Variants in DHRSX observed in about 807,000 individuals in gnomAD.
The protein encoded by DHRSX is dehydrogenase/reductase X-linked, also known as polyprenol dehydrogenase.
In DHRSX, 31 loss-of-function variants were observed where a neutral mutation model predicts 34.0. That is an observed-to-expected ratio of 0.91 (90% confidence interval 0.69 to 1.23). The LOEUF is 1.23. Ranked by LOEUF, DHRSX falls within the 50% of genes most tolerant of loss-of-function variation. DHRSX has a pLI of 0.00. For synonymous variants in DHRSX, 201 were observed against 183.8 expected (o/e 1.09, Z -0.76); for missense variants, 414 against 428.1 (o/e 0.97, Z 0.29).
At chrX:2,353,771 G>T (rs2124578024) in intron 3 of DHRSX, among the ~76,000 whole-genome samples, 1 of 151,736 alleles carries the variant, frequency 6.6e-6, no homozygotes, top group Non-Finnish European at 1.5e-5. Context: ...TTTTAGTAGA[G>T]ATGGGGTCTC....
rs1298802198 is a variant in DHRSX at position 2,391,006 on chromosome X, G to A, written c.286+17739C>T. 3.9e-5 allele frequency among the ~76,000 whole-genome samples: 6 copies of A among 152,148 alleles called. No homozygotes were observed. The South Asian group carries it at 8.3e-4, about 21-fold the overall frequency. ...AATACCCTTCCTTTTTTATGGCTGCGTAATATTCCACCGTTTGGATATACC... is the reference window on the plus strand; with the variant it reads ...AATACCCTTCCTTTTTTATGGCTGCATAATATTCCACCGTTTGGATATACC... On this transcript the variant is annotated intron_variant, in intron 3 of 6. Transcript: ENST00000334651.
At chrX:2,450,918 C>T (rs1200926984) in intron 1 of DHRSX, among the ~76,000 whole-genome samples, 1 of 151,892 alleles carries the variant, frequency 6.6e-6, no homozygotes, top group African/African-American at 2.4e-5. Flanking sequence ...TGAATGGGAT[C>T]AGTGTCCTTA....
chrX:2,372,541 T>A (rs1233694628), intron 3 of DHRSX, among the ~76,000 whole-genome samples: 2 of 151,870 alleles, frequency 1.3e-5, no homozygotes, highest in Admixed American at 1.3e-4. Context: ...AGAGACCCCC[T>A]AGAGCATCCA....
chrX:2,483,952 A>G (rs2044816548), intron 1 of DHRSX, among the ~76,000 whole-genome samples: 1 of 145,806 alleles, frequency 6.9e-6, no homozygotes, highest in Non-Finnish European at 1.6e-5. Context: ...TCTTGACACA[A>G]CATTTATATA....
chrX:2,223,135 T>C (rs2015558826), intron 6 of DHRSX, among the ~76,000 whole-genome samples: 2 of 152,114 alleles, frequency 1.3e-5, no homozygotes, highest in Admixed American at 1.3e-4. Context: ...CCCACCCAAA[T>C]TTCATCTTGA....
chrX:2,276,064 G>A (rs928662616), intron 4 of DHRSX, among the ~76,000 whole-genome samples: 13 of 152,096 alleles, frequency 8.5e-5, no homozygotes, highest in Non-Finnish European at 4.4e-5. Context: ...GGATGGTCTC[G>A]AACTCCTGAC....
At chrX:2,348,986 G>A (rs370299138) in intron 3 of DHRSX, among the ~76,000 whole-genome samples, 11 of 152,158 alleles carry the variant, frequency 7.2e-5, no homozygotes, top group South Asian at 4.1e-4. Flanking sequence ...GAGCCACCGC[G>A]CCCGGCTGTG....
chrX:2,440,561 T>C (rs1259518072), intron 1 of DHRSX, among the ~76,000 whole-genome samples: 1 of 151,698 alleles, frequency 6.6e-6, no homozygotes, highest in African/African-American at 2.4e-5. Flanking sequence ...GGAGTCTCGC[T>C]CTGTCACCCA....
chrX:2,264,756 C>G (rs1349984167), intron 5 of DHRSX, among the ~76,000 whole-genome samples: 1 of 151,398 alleles, frequency 6.6e-6, no homozygotes, highest in Non-Finnish European at 1.5e-5. Context: ...ACAGGGAGTA[C>G]CGTGCCCAGA....
At chrX:2,294,762 G>A (rs1240607305) in intron 3 of DHRSX, among the ~76,000 whole-genome samples, 2 of 150,488 alleles carry the variant, frequency 1.3e-5, no homozygotes, top group Non-Finnish European at 3.0e-5. Flanking sequence ...GAGAGAGACA[G>A]AGAAAGAGAG....
intron 3 of DHRSX, among the ~76,000 whole-genome samples, chrX:2,336,842 G>A (rs1260175175): frequency 1.4e-5 from 1 of 73,616 alleles, no homozygotes; most frequent in African/African-American, 4.3e-5. Flanking sequence ...AAGATAGATA[G>A]ATAGATATAG....
intron 1 of DHRSX, among the ~76,000 whole-genome samples, chrX:2,482,129 C>CTTT (rs1356975147): frequency 0.18 from 23,305 of 129,106 alleles, 2,941 homozygotes; most frequent in African/African-American, 0.35. Context: ...CCACGTCTGG[C>CTTT]TTTTTTTTTT....
chrX:2,348,334 C>A (rs2042745588), intron 3 of DHRSX, among the ~76,000 whole-genome samples: 1 of 152,114 alleles, frequency 6.6e-6, no homozygotes, highest in African/African-American at 2.4e-5. Context: ...GCTCTTCTGG[C>A]TTAAGTGGAT....
At chrX:2,428,512 A>T (rs1178353793) in intron 1 of DHRSX, among the ~76,000 whole-genome samples, 1 of 152,164 alleles carries the variant, frequency 6.6e-6, no homozygotes, top group African/African-American at 2.4e-5. Flanking sequence ...CAGCGAACTA[A>T]CACAAGAACA....
chrX:2,282,539 T>C (rs897834983), intron 4 of DHRSX, among the ~76,000 whole-genome samples: 3 of 105,542 alleles, frequency 2.8e-5, no homozygotes, highest in Middle Eastern at 0.018. Flanking sequence ...AGAAAGGAGA[T>C]AGGGAGAAGA....
chrX:2,437,188 A>G (rs1322725267), intron 1 of DHRSX, among the ~76,000 whole-genome samples: 1 of 151,994 alleles, frequency 6.6e-6, no homozygotes, highest in African/African-American at 2.4e-5. Flanking sequence ...TTTAGTAGAG[A>G]TGGAGTTTCA....
At chrX:2,292,116 TCCTTGTATAG>T (rs1359543736) in intron 3 of DHRSX, among the ~76,000 whole-genome samples, 1 of 152,086 alleles carries the variant, frequency 6.6e-6, no homozygotes, top group Non-Finnish European at 1.5e-5. Flanking sequence ...ATGAGTCCCA[TCCTTGTATAG>T]TCCCCTTTCC....
chrX:2,432,978 A>G (rs2043946506), intron 1 of DHRSX, among the ~76,000 whole-genome samples: 2 of 152,132 alleles, frequency 1.3e-5, no homozygotes, highest in South Asian at 4.2e-4. Flanking sequence ...TAAAAAATTA[A>G]CCGGGTGTGG....
intron 1 of DHRSX, among the ~76,000 whole-genome samples, chrX:2,479,515 G>A (rs754569930): frequency 6.1e-5 from 9 of 148,006 alleles, no homozygotes; most frequent in Admixed American, 2.7e-4. Context: ...AAGACATTCC[G>A]TAAGAATGCG....
Sources: gnomAD v4.1 joint callset for allele counts (sites outside exome capture counted in the v4.1 genomes callset) on GRCh38, gnomAD v4.1.1 for gene constraint, MANE v1.5 for transcripts, NCBI Gene and HGNC (gene_info 2026-07-23, HGNC 2026-07-21) for gene names.